Variants in SGCE observed in about 807,000 individuals in gnomAD.
SGCE encodes epsilon-sarcoglycan.
A neutral mutation model predicts 57.8 loss-of-function variants in SGCE; 26 were observed. That is an observed-to-expected ratio of 0.45 (90% confidence interval 0.33 to 0.62). The LOEUF (loss-of-function observed/expected upper bound fraction) is 0.62, where lower values mean the gene tolerates loss of function less well. SGCE is among the 20% of genes least tolerant of loss of function. The probability of loss-of-function intolerance (pLI) is 0.02; values close to 1 mark genes in which losing one functional copy is unlikely to be tolerated. For synonymous variants in SGCE, 183 were observed against 189.5 expected (o/e 0.97, Z 0.28); for missense variants, 468 against 548.6 (o/e 0.85, Z 1.47).
intron 10 of SGCE, 47 bp from the exon 11 acceptor site, chr7:94,585,562 G>T: frequency 2.3e-6 from 3 of 1,310,812 alleles, no homozygotes; most frequent in Non-Finnish European, 3.3e-6. Context: ...TCAGGGCATG[G>T]ATACTTTTAG....
intron 3 of SGCE, chr7:94,626,012 G>A (rs984356261): frequency 2.0e-5 from 3 of 152,054 alleles, no homozygotes; most frequent in Admixed American, 6.6e-5. Flanking sequence ...ACATCCACCT[G>A]CAATGCATTT....
intron 5 of SGCE, among the ~76,000 whole-genome samples, chr7:94,606,102 T>A (rs904230979): frequency 6.6e-6 from 1 of 152,148 alleles, no homozygotes; most frequent in Non-Finnish European, 1.5e-5. Context: ...GTGCTGGGAT[T>A]ACAGGCGTGA....
intron 1 of SGCE, among the ~76,000 whole-genome samples, chr7:94,636,984 G>T (rs569958254): frequency 6.6e-6 from 1 of 151,714 alleles, no homozygotes; most frequent in African/African-American, 2.4e-5. Flanking sequence ...ACTTGAACCC[G>T]GGAGGAGGAA....
chr7:94,599,796 G>T (rs1584527434), intron 7 of SGCE, 73 bp from the exon 8 acceptor site: 1 of 1,065,408 alleles, frequency 9.4e-7, no homozygotes, highest in East Asian at 2.4e-5. Context: ...TATGCTCATG[G>T]GATCTTGCAT....
chr7:94,596,096 T>G (rs2116644275), intron 9 of SGCE, among the ~76,000 whole-genome samples: 1 of 152,214 alleles, frequency 6.6e-6, no homozygotes, highest in Middle Eastern at 3.4e-3. Flanking sequence ...CGTATGTGTT[T>G]AAATTGTTGC....
chr7:94,620,898 T>C (rs1006266431), intron 4 of SGCE: 2 of 152,278 alleles, frequency 1.3e-5, no homozygotes, highest in Non-Finnish European at 2.9e-5. Flanking sequence ...AGCAGCTTTC[T>C]AACTCTGGGG....
intron 1 of SGCE, among the ~76,000 whole-genome samples, chr7:94,653,986 A>G (rs1018015603): frequency 3.9e-5 from 6 of 152,052 alleles, no homozygotes; most frequent in Non-Finnish European, 8.8e-5. Flanking sequence ...CTTGTTTTTA[A>G]CTTTTAGAAA....
intron 1 of SGCE, among the ~76,000 whole-genome samples, chr7:94,654,015 A>G (rs964889549): frequency 1.3e-5 from 2 of 152,106 alleles, no homozygotes; most frequent in Non-Finnish European, 2.9e-5. Flanking sequence ...CTGCAATCCT[A>G]TGAAAAATAT....
intron 5 of SGCE, 132 bp from the exon 6 acceptor site, chr7:94,603,584 C>T (rs557084850): frequency 2.0e-5 from 16 of 785,806 alleles, no homozygotes; most frequent in African/African-American, 1.1e-4. Flanking sequence ...GTAGGGGCCT[C>T]GGCTCTAAAA....
At chr7:94,641,801 T>G (rs7809129) in intron 1 of SGCE, among the ~76,000 whole-genome samples, 27,705 of 151,494 alleles carry the variant, frequency 0.18, 2,916 homozygotes, top group East Asian at 0.34. Context: ...ATTATTATTA[T>G]TAGTAGTAGT....
In SGCE at chr7:94,625,250, C is replaced by A. The variant is rs551492188; in HGVS notation, c.391-1853G>T. ...ATTATATATTTAAGATACAAAAATT[C>A]TTGACTAAATAGAATATTTTAAAAT... On this transcript the variant is annotated intron_variant, in intron 3 of 10. Transcript: ENST00000648936. The A allele has an allele frequency of 4.0e-5, 6 of 151,718 alleles. No individual in the cohort carries two copies. The East Asian group carries it at 7.7e-4, about 19-fold the overall frequency. 9.4% of individuals were successfully genotyped at this position (151,718 alleles called of 1,614,324 possible). A position where few individuals can be genotyped will look rare whatever the true frequency, so the allele number is the denominator to read the frequency against.
At chr7:94,654,908 C>G (rs968963274) in intron 1 of SGCE, among the ~76,000 whole-genome samples, 8 of 152,196 alleles carry the variant, frequency 5.3e-5, no homozygotes, top group Non-Finnish European at 1.0e-4. Context: ...CTAAGATCAT[C>G]AACAGATTGT....
chr7:94,648,376 C>CAAAAAAAAAAGAAA (rs1807402549), intron 1 of SGCE, among the ~76,000 whole-genome samples: 1 of 65,080 alleles, frequency 1.5e-5, no homozygotes, highest in Non-Finnish European at 2.8e-5. Context: ...ACTCTGTCTC[C>CAAAAAAAAAAGAAA]AAAAAAAAAA....
chr7:94,625,207 A>G (rs1017208530), intron 3 of SGCE: 1 of 152,008 alleles, frequency 6.6e-6, no homozygotes, highest in Non-Finnish European at 1.5e-5. Flanking sequence ...ATGAATTAGT[A>G]GACTTATATG....
At chr7:94,593,879 A>C (rs1303556107) in intron 9 of SGCE, among the ~76,000 whole-genome samples, 1 of 152,100 alleles carries the variant, frequency 6.6e-6, no homozygotes, top group Non-Finnish European at 1.5e-5. Flanking sequence ...CCTGAAACTT[A>C]AGTCTTTTGA....
chr7:94,625,999 C>CCCACAT (rs1403997620), intron 3 of SGCE: 1 of 152,048 alleles, frequency 6.6e-6, no homozygotes, highest in Non-Finnish European at 1.5e-5. Context: ...GATGCCAACT[C>CCCACAT]CCACATCCAC....
intron 6 of SGCE, among the ~76,000 whole-genome samples, chr7:94,602,278 T>G (rs765872018): frequency 2.0e-5 from 3 of 152,074 alleles, no homozygotes; most frequent in Non-Finnish European, 4.4e-5. Context: ...TAATTTTACT[T>G]GATTTAGGAA....
chr7:94,625,202 T>A (rs574059961), intron 3 of SGCE: 2 of 152,044 alleles, frequency 1.3e-5, no homozygotes, highest in African/African-American at 4.8e-5. Flanking sequence ...ACTGAATGAA[T>A]TAGTAGACTT....
intron 4 of SGCE, among the ~76,000 whole-genome samples, chr7:94,622,816 A>G (rs1311287652): frequency 1.3e-5 from 2 of 152,162 alleles, no homozygotes; most frequent in African/African-American, 4.8e-5. Flanking sequence ...TTACTAATAC[A>G]CTATAAACTA....
Sources: allele counts gnomAD v4.1 joint callset (sites outside exome capture counted in the v4.1 genomes callset), GRCh38; gene constraint gnomAD v4.1.1; transcripts MANE v1.5; gene names NCBI Gene and HGNC (gene_info 2026-07-23, HGNC 2026-07-21).